The following ABCA13 variants were observed in gnomAD, a reference collection of about 807,000 sequenced individuals.
ABCA13 encodes ATP-binding cassette sub-family A member 13.
ABCA13 carries 476 observed loss-of-function variants against 478.7 expected under a neutral mutation model. The ratio of observed to expected loss-of-function variants is 0.99; its 90% CI spans 0.92 to 1.07. The LOEUF is 1.07. Ranked by LOEUF, ABCA13 falls within the 50% of genes least tolerant of loss-of-function variation. The pLI, the probability that ABCA13 is intolerant of heterozygous loss-of-function variation, is 0.00. For missense variants in ABCA13, 6,060 were observed against 5,910.6 expected (o/e 1.03, Z -0.83); for synonymous variants, 2,252 against 2,158.9 (o/e 1.04, Z -1.20).
intron 59 of ABCA13, among the ~76,000 whole-genome samples, chr7:48,625,884 C>T (rs61386366): frequency 6.6e-6 from 1 of 152,152 alleles, no homozygotes; most frequent in Non-Finnish European, 1.5e-5. Context: ...TTGTTGGGGA[C>T]TCAGACTCAC....
intron 55 of ABCA13, among the ~76,000 whole-genome samples, chr7:48,558,924 T>G (rs574366413): frequency 6.6e-6 from 1 of 152,284 alleles, no homozygotes; most frequent in South Asian, 2.1e-4. Context: ...GTGCCCATAT[T>G]TTTGGGGAAG....
chr7:48,295,966 A>G, intron 21 of ABCA13, 103 bp downstream of exon 21: 2 of 1,361,146 alleles, frequency 1.5e-6, no homozygotes, highest in Non-Finnish European at 2.0e-6. Flanking sequence ...TCTGTATAAT[A>G]TACTCTTAAT....
rs373766444 is a variant in ABCA13, at chr7:48,273,291, A to G, written c.3625A>G (p.Ile1209Val). The G allele has an allele frequency of 1.7e-4, 272 of 1,613,650 alleles. No homozygotes were observed. The highest frequency in any genetic ancestry group is 2.3e-4 in the Non-Finnish European group (268 of 1,179,762). The change falls in exon 17 of 62, where the codon ATA (isoleucine) becomes GTA (valine). Residue 1209 changes from isoleucine to valine, a missense_variant. Physicochemically the swap from Ile to Val is conservative, Grantham distance 29. Transcript: ENST00000435803. ...TCCCACCCATAATGTTGCTAGACTC[A>G]TATTAAATTTGTTTAAAAATGTAAC... ...ILPTHNVARL[I>V]LNLFKNVTQA...
chr7:48,425,956 T>G (rs1821363101), intron 41 of ABCA13, among the ~76,000 whole-genome samples: 1 of 152,024 alleles, frequency 6.6e-6, no homozygotes, highest in African/African-American at 2.4e-5. Flanking sequence ...TTAGCCAGGA[T>G]GGTCTCGATC....
intron 35 of ABCA13, among the ~76,000 whole-genome samples, chr7:48,381,645 T>A (rs1222108619): frequency 6.6e-6 from 1 of 152,180 alleles, no homozygotes; most frequent in Non-Finnish European, 1.5e-5. Context: ...ACTCTTTTTA[T>A]ATGCTTCCAA....
At chr7:48,340,949 G>A (rs977661285) in intron 29 of ABCA13, among the ~76,000 whole-genome samples, 1 of 151,958 alleles carries the variant, frequency 6.6e-6, no homozygotes, top group African/African-American at 2.4e-5. Flanking sequence ...ATACACCTAC[G>A]GCAGTATTTC....
At chr7:48,570,870 C>A (rs373189585) in intron 55 of ABCA13, among the ~76,000 whole-genome samples, 160 of 152,064 alleles carry the variant, frequency 1.1e-3, no homozygotes, top group Middle Eastern at 6.8e-3. Flanking sequence ...CTATATTTTT[C>A]ATTCCTCTGT....
intron 31 of ABCA13, among the ~76,000 whole-genome samples, chr7:48,362,235 G>C (rs1585011982): frequency 6.6e-6 from 1 of 152,014 alleles, no homozygotes; most frequent in Non-Finnish European, 1.5e-5. Context: ...TTACTTGGTT[G>C]TCCTTCTCTC....
intron 48 of ABCA13, among the ~76,000 whole-genome samples, chr7:48,495,432 GGTT>G (rs1405141282): frequency 2.0e-5 from 3 of 152,012 alleles, no homozygotes; most frequent in Non-Finnish European, 2.9e-5. Flanking sequence ...ATTTTAAATT[GGTT>G]GAAGTTCATT....
At chr7:48,636,055 C>G (rs954766812) in intron 59 of ABCA13, among the ~76,000 whole-genome samples, 37 of 152,054 alleles carry the variant, frequency 2.4e-4, no homozygotes, top group African/African-American at 8.2e-4. Context: ...TGACTGTGCC[C>G]GTAAAATAGG....
chr7:48,455,210 AGACCCCTG>A lies in ABCA13; in HGVS notation c.12741_12748del (p.Arg4247SerfsTer40). On this transcript the variant is annotated frameshift_variant, in exon 43 of 62. Transcript: ENST00000435803. LOFTEE classifies it high-confidence loss of function. The stretch of plus-strand genomic sequence containing the variant: ...CTTGGCCATGGGCTTGTTCATGGTG[AGACCCCTG>A]GCCACCGAGTACCCTCCCCTCAGAC... The A allele has an allele frequency of 6.3e-7, 1 of 1,597,848 alleles. No homozygotes were observed. Among genetic ancestry groups the A allele is most frequent in the South Asian group, 1.1e-5 (1 of 88,140 alleles).
intron 42 of ABCA13, among the ~76,000 whole-genome samples, chr7:48,443,642 T>C (rs191308481): frequency 1.3e-5 from 2 of 152,314 alleles, no homozygotes. Context: ...GCAGGCTCTA[T>C]AGTAGATTCT....
chr7:48,454,834 G>T (rs1430816504), intron 42 of ABCA13, among the ~76,000 whole-genome samples: 3 of 152,238 alleles, frequency 2.0e-5, no homozygotes, highest in Non-Finnish European at 4.4e-5. Flanking sequence ...GCTTCCTCTT[G>T]CATTGCAGCC....
chr7:48,509,834 G>C (rs1274848581), intron 50 of ABCA13, among the ~76,000 whole-genome samples: 1 of 152,188 alleles, frequency 6.6e-6, no homozygotes, highest in Non-Finnish European at 1.5e-5. Context: ...TAGGTTCTGA[G>C]AATGGAGCCC....
intron 1 of ABCA13, among the ~76,000 whole-genome samples, chr7:48,192,296 G>A (rs1009185490): frequency 6.6e-6 from 1 of 151,692 alleles, no homozygotes; most frequent in African/African-American, 2.4e-5. Context: ...ACAAAGTATT[G>A]CAATCATTTG....
At position 48,175,112 on chromosome 7, in the gene ABCA13, T is replaced by C. The variant is rs560450490; in HGVS notation, c.69+3560T>C. Among the ~76,000 whole-genome samples the C allele has an allele frequency of 6.6e-5, 10 of 152,372 alleles. No individual in the cohort carries two copies. In the South Asian group the frequency reaches 1.9e-3, roughly 28 times the overall value. ...TAGTTCCAGTGCAATGCCATCAACA[T>C]TGGCAAATATTCAGTGGCTTTGAGC... is the stretch of plus-strand genomic sequence containing the variant. On this transcript the variant is annotated intron_variant, in intron 1 of 61. Coordinates refer to ENST00000435803, the MANE Select transcript of ABCA13 (RefSeq NM_152701.5).
chr7:48,489,465 G>C (rs1829650309), intron 48 of ABCA13, 121 bp downstream of exon 48: 1 of 799,878 alleles, frequency 1.3e-6, no homozygotes, highest in Admixed American at 2.9e-5. Flanking sequence ...TTTCTACTTG[G>C]CAACCAATCC....
chr7:48,423,877 T>C (rs1563232656), intron 41 of ABCA13, among the ~76,000 whole-genome samples: 1 of 152,228 alleles, frequency 6.6e-6, no homozygotes, highest in Non-Finnish European at 1.5e-5. Flanking sequence ...GATTGTCCTT[T>C]GACTTGAGAA....
At chr7:48,508,733 T>C (rs1189909156) in intron 50 of ABCA13, among the ~76,000 whole-genome samples, 1 of 152,216 alleles carries the variant, frequency 6.6e-6, no homozygotes, top group Non-Finnish European at 1.5e-5. Flanking sequence ...CAGAAAATCA[T>C]ACATAAGTCA....
Sources: gnomAD v4.1 joint callset for allele counts (sites outside exome capture counted in the v4.1 genomes callset) on GRCh38, gnomAD v4.1.1 for gene constraint, MANE v1.5 for transcripts, NCBI Gene and HGNC (gene_info 2026-07-23, HGNC 2026-07-21) for gene names.